PACRG: variants seen among roughly 807,000 people sequenced by gnomAD.
The protein encoded by PACRG is parkin coregulated gene protein.
Under a neutral mutation model 29.7 loss-of-function variants are expected in PACRG, and 29 were observed. The ratio of observed to expected loss-of-function variants is 0.98; its 90% CI spans 0.73 to 1.33. The LOEUF is 1.33. Ranked by LOEUF, PACRG falls within the 40% of genes most tolerant of loss-of-function variation. The pLI is 0.00. For synonymous variants in PACRG, 116 were observed against 118.7 expected, an observed-to-expected ratio of 0.98 and a Z score of 0.15; for missense variants, 279 against 316.2, an observed-to-expected ratio of 0.88 and a Z score of 0.89.
chr6:163,270,997 C>T (rs914548850), intron 4 of PACRG, among the ~76,000 whole-genome samples: 6 of 152,128 alleles, frequency 3.9e-5, no homozygotes, highest in African/African-American at 1.4e-4. Flanking sequence ...CACAATAGGA[C>T]GTGTCTGCAA....
At chr6:163,169,651 G>A (rs571062756) in intron 4 of PACRG, among the ~76,000 whole-genome samples, 2 of 152,340 alleles carry the variant, frequency 1.3e-5, no homozygotes, top group South Asian at 2.1e-4. Flanking sequence ...CCCAGATTAG[G>A]AATTAGCAGG....
chr6:163,299,603 C>T (rs770560135), intron 4 of PACRG, among the ~76,000 whole-genome samples: 1 of 152,144 alleles, frequency 6.6e-6, no homozygotes, highest in East Asian at 1.9e-4. Context: ...AAACATAGGC[C>T]GGGCACGGTG....
At chr6:162,933,601 C>CTTTTTTTT (rs71008119) in intron 2 of PACRG, among the ~76,000 whole-genome samples, 51 of 74,596 alleles carry the variant, frequency 6.8e-4, no homozygotes, top group East Asian at 1.5e-3. Flanking sequence ...CTTTCTGTAT[C>CTTTTTTTT]TTTTTTTTTT....
chr6:163,252,529 G>A (rs1037605446), intron 4 of PACRG, among the ~76,000 whole-genome samples: 2 of 152,188 alleles, frequency 1.3e-5, no homozygotes, highest in Admixed American at 6.5e-5. Context: ...TGAGAGCCCC[G>A]CTGTGAAGGC....
intron 4 of PACRG, among the ~76,000 whole-genome samples, chr6:163,218,572 G>A (rs1223029855): frequency 6.6e-6 from 1 of 152,060 alleles, no homozygotes; most frequent in Non-Finnish European, 1.5e-5. Flanking sequence ...CCTCATGTCA[G>A]GGCCCCTGGC....
chr6:163,168,641 C>A (rs1246625810), intron 4 of PACRG, among the ~76,000 whole-genome samples: 1 of 152,092 alleles, frequency 6.6e-6, no homozygotes, highest in African/African-American at 2.4e-5. Context: ...GTATGTAATT[C>A]ATTATTATAT....
At chr6:163,158,125 G>A (rs938592940) in intron 4 of PACRG, among the ~76,000 whole-genome samples, 1 of 152,136 alleles carries the variant, frequency 6.6e-6, no homozygotes, top group African/African-American at 2.4e-5. Flanking sequence ...CAAATTCTTA[G>A]GTACATGAAG....
At chr6:163,236,609 A>G (rs1297506422) in intron 4 of PACRG, among the ~76,000 whole-genome samples, 2 of 152,232 alleles carry the variant, frequency 1.3e-5, no homozygotes, top group Non-Finnish European at 2.9e-5. Flanking sequence ...ATAAAGAGCC[A>G]TAATCAATTA....
At chr6:162,835,256 G>C (rs1288368526) in intron 2 of PACRG, among the ~76,000 whole-genome samples, 2 of 152,090 alleles carry the variant, frequency 1.3e-5, no homozygotes, top group Non-Finnish European at 2.9e-5. Flanking sequence ...TATACATGAA[G>C]TATTACAAAG....
At chr6:163,014,018 A>G (rs1315175642) in intron 2 of PACRG, among the ~76,000 whole-genome samples, 1 of 152,184 alleles carries the variant, frequency 6.6e-6, no homozygotes, top group Non-Finnish European at 1.5e-5. Flanking sequence ...TTTGTAATAT[A>G]CGTCACATAG....
chr6:162,886,832 A>G (rs568203666), intron 2 of PACRG, among the ~76,000 whole-genome samples: 1 of 152,308 alleles, frequency 6.6e-6, no homozygotes, highest in East Asian at 1.9e-4. Context: ...GATATCATTA[A>G]TTTTTTAAAT....
chr6:163,214,132 T>A (rs959636959), intron 4 of PACRG, among the ~76,000 whole-genome samples: 1 of 152,216 alleles, frequency 6.6e-6, no homozygotes, highest in Non-Finnish European at 1.5e-5. Context: ...GATGAAAATA[T>A]TCACTGTTTA....
chr6:162,960,391 G>A (rs1800510068), intron 2 of PACRG, among the ~76,000 whole-genome samples: 1 of 152,212 alleles, frequency 6.6e-6, no homozygotes, highest in South Asian at 2.1e-4. Flanking sequence ...TAAAGAAAAT[G>A]TGGTACATAT....
intron 4 of PACRG, among the ~76,000 whole-genome samples, chr6:163,168,146 CT>C (rs1346824003): frequency 6.6e-6 from 1 of 152,146 alleles, no homozygotes; most frequent in East Asian, 1.9e-4. Flanking sequence ...CTAAAGTATC[CT>C]GTAGGAAAAC....
intron 4 of PACRG, among the ~76,000 whole-genome samples, chr6:163,130,708 A>G (rs1816699374): frequency 6.6e-6 from 1 of 152,000 alleles, no homozygotes; most frequent in South Asian, 2.1e-4. Flanking sequence ...TCCTCCTCCT[A>G]CAAGCCCTGC....
chr6:163,129,365 T>C (rs920326053), intron 4 of PACRG, among the ~76,000 whole-genome samples: 3 of 152,202 alleles, frequency 2.0e-5, no homozygotes, highest in East Asian at 1.9e-4. Flanking sequence ...ATCCATGAGA[T>C]GGCATGTACA....
chr6:163,052,718 T>C (rs144298898), intron 2 of PACRG, among the ~76,000 whole-genome samples: 2 of 152,354 alleles, frequency 1.3e-5, no homozygotes, highest in East Asian at 3.9e-4. Context: ...TTCTTTATAG[T>C]AATGTGAAAA....
chr6:163,100,877 C>T (rs1815044647), intron 4 of PACRG: 1 of 984,228 alleles, frequency 1.0e-6, no homozygotes, highest in Non-Finnish European at 1.2e-6. Flanking sequence ...TTCTTGCTTG[C>T]CTGCTTTCTG....
At chr6:163,249,981 C>A (rs555292408) in intron 4 of PACRG, among the ~76,000 whole-genome samples, 2 of 152,312 alleles carry the variant, frequency 1.3e-5, no homozygotes, top group East Asian at 3.9e-4. Flanking sequence ...TGGTTCCCAC[C>A]GCAGGGAATG....
Sources: gnomAD v4.1 joint callset for allele counts (sites outside exome capture counted in the v4.1 genomes callset) on GRCh38, gnomAD v4.1.1 for gene constraint, MANE v1.5 for transcripts, NCBI Gene and HGNC (gene_info 2026-07-23, HGNC 2026-07-21) for gene names.